Variants in PRKG1 observed in about 807,000 individuals in gnomAD.
PRKG1 encodes protein kinase cGMP-dependent 1.
Under a neutral mutation model 88.1 loss-of-function variants are expected in PRKG1, and 35 were observed. The observed-to-expected ratio is 0.40, with a 90% CI of 0.30 to 0.53. The LOEUF (loss-of-function observed/expected upper bound fraction) is 0.53, where lower values mean the gene tolerates loss of function less well. Ranked by LOEUF, PRKG1 falls within the 20% of genes least tolerant of loss-of-function variation. The pLI is 0.59. For synonymous variants in PRKG1, 303 were observed against 292.5 expected (o/e 1.04, Z -0.37); for missense variants, 540 against 839.8 (o/e 0.64, Z 4.41).
At chr10:51,683,729 T>C (rs1840909817) in intron 3 of PRKG1, among the ~76,000 whole-genome samples, 1 of 152,076 alleles carries the variant, frequency 6.6e-6, no homozygotes, top group Admixed American at 6.6e-5. Flanking sequence ...CTTAATTCAG[T>C]CCCCAACCCT....
At chr10:51,019,959 C>G (rs1325388505) in intron 1 of PRKG1, among the ~76,000 whole-genome samples, 1 of 151,896 alleles carries the variant, frequency 6.6e-6, no homozygotes, top group Non-Finnish European at 1.5e-5. Flanking sequence ...ACTTCACACC[C>G]ATTAAAATGG....
At chr10:52,045,312 G>T (rs1381772916) in intron 5 of PRKG1, among the ~76,000 whole-genome samples, 1 of 151,856 alleles carries the variant, frequency 6.6e-6, no homozygotes, top group African/African-American at 2.4e-5. Context: ...AAATACTAAT[G>T]GGTACCTCAG....
chr10:51,630,714 C>T (rs1429481308), intron 3 of PRKG1, among the ~76,000 whole-genome samples: 4 of 152,196 alleles, frequency 2.6e-5, no homozygotes, highest in African/African-American at 9.7e-5. Context: ...TGCTATTCAT[C>T]AAATCGTCTA....
chr10:51,758,996 T>C (rs1837946438), intron 3 of PRKG1, among the ~76,000 whole-genome samples: 1 of 152,148 alleles, frequency 6.6e-6, no homozygotes, highest in South Asian at 2.1e-4. Context: ...GGTTTCCAGC[T>C]TCATCCATGT....
intron 2 of PRKG1, among the ~76,000 whole-genome samples, chr10:51,424,615 ATT>A (rs1382693668): frequency 6.6e-6 from 1 of 152,156 alleles, no homozygotes; most frequent in Non-Finnish European, 1.5e-5. Flanking sequence ...TCCATGAAAC[ATT>A]TAAATAAGAA....
At chr10:52,185,794 A>G (rs1482010015) in intron 9 of PRKG1, among the ~76,000 whole-genome samples, 1 of 152,196 alleles carries the variant, frequency 6.6e-6, no homozygotes, top group African/African-American at 2.4e-5. Flanking sequence ...ACCAGGGATT[A>G]TGGTGGCTTA....
intron 2 of PRKG1, among the ~76,000 whole-genome samples, chr10:51,317,409 C>T (rs192947849): frequency 6.6e-6 from 1 of 152,274 alleles, no homozygotes; most frequent in African/African-American, 2.4e-5. Context: ...CCCAATTTTA[C>T]TGAAATAACA....
chr10:52,046,675 C>T (rs1845870302), intron 5 of PRKG1: 1 of 152,074 alleles, frequency 6.6e-6, no homozygotes, highest in Admixed American at 6.6e-5. Flanking sequence ...AACCAGGGAG[C>T]CTGCCTCCAG....
intron 5 of PRKG1, among the ~76,000 whole-genome samples, chr10:51,969,659 G>A (rs1158493678): frequency 1.3e-5 from 2 of 151,828 alleles, no homozygotes; most frequent in African/African-American, 4.8e-5. Context: ...ATATAAAAAG[G>A]AGCTCAAAAC....
chr10:51,945,833 T>A (rs1242403709), intron 5 of PRKG1, among the ~76,000 whole-genome samples: 1 of 151,824 alleles, frequency 6.6e-6, no homozygotes, highest in African/African-American at 2.4e-5. Flanking sequence ...CCGCTGTTAG[T>A]CTGATGGGCT....
At chr10:51,842,383 T>C (rs1251042103) in intron 4 of PRKG1, among the ~76,000 whole-genome samples, 1 of 152,230 alleles carries the variant, frequency 6.6e-6, no homozygotes, top group African/African-American at 2.4e-5. Context: ...CCAACTTGCA[T>C]GTAGCTTAAA....
intron 2 of PRKG1, among the ~76,000 whole-genome samples, chr10:51,406,077 C>T (rs1441859981): frequency 6.6e-6 from 1 of 152,176 alleles, no homozygotes; most frequent in African/African-American, 2.4e-5. Flanking sequence ...CAGCGATCCT[C>T]TGTCTCTACT....
At chr10:52,195,280 A>G (rs1051883175) in intron 9 of PRKG1, among the ~76,000 whole-genome samples, 5 of 151,926 alleles carry the variant, frequency 3.3e-5, no homozygotes, top group African/African-American at 9.7e-5. Context: ...TGTTTAGAAG[A>G]CAACTAGCAC....
intron 3 of PRKG1, among the ~76,000 whole-genome samples, chr10:51,626,047 A>C (rs1839329016): frequency 6.6e-6 from 1 of 152,218 alleles, no homozygotes; most frequent in Admixed American, 6.5e-5. Context: ...GCTGAAGTCA[A>C]TTACTATTTC....
chr10:51,967,166 T>A (rs973399420), intron 5 of PRKG1, among the ~76,000 whole-genome samples: 1 of 152,080 alleles, frequency 6.6e-6, no homozygotes, highest in Non-Finnish European at 1.5e-5. Flanking sequence ...AACCCAAATG[T>A]CCAATAATGA....
At chr10:52,174,471 A>G (rs1194094607) in intron 9 of PRKG1, among the ~76,000 whole-genome samples, 1 of 152,034 alleles carries the variant, frequency 6.6e-6, no homozygotes, top group African/African-American at 2.4e-5. Flanking sequence ...TATGCCAATG[A>G]ATAGAGGGGA....
At chr10:51,188,013 G>C (rs1837537288) in intron 2 of PRKG1, among the ~76,000 whole-genome samples, 2 of 151,994 alleles carry the variant, frequency 1.3e-5, no homozygotes, top group South Asian at 2.1e-4. Context: ...TCATGTTTCT[G>C]TCCTCTGTTG....
chr10:51,005,981 G>A (rs562126774), intron 1 of PRKG1, among the ~76,000 whole-genome samples: 1 of 152,190 alleles, frequency 6.6e-6, no homozygotes, highest in Non-Finnish European at 1.5e-5. Context: ...GCTGTTTGTA[G>A]ATATTCTAAC....
chr10:51,537,680 A>G (rs1411780320), intron 3 of PRKG1, among the ~76,000 whole-genome samples: 1 of 141,496 alleles, frequency 7.1e-6, no homozygotes, highest in Admixed American at 7.7e-5. Context: ...GTGAGCCAAG[A>G]TTGCACCGCT....
Sources: gnomAD v4.1 joint callset for allele counts (sites outside exome capture counted in the v4.1 genomes callset) on GRCh38, gnomAD v4.1.1 for gene constraint, MANE v1.5 for transcripts, NCBI Gene and HGNC (gene_info 2026-07-23, HGNC 2026-07-21) for gene names.